DOCK3: variants seen among roughly 807,000 people sequenced by gnomAD.
DOCK3 encodes dedicator of cytokinesis protein 3.
DOCK3 carries 60 observed loss-of-function variants against 265.6 expected under a neutral mutation model. The observed-to-expected ratio is 0.23, with a 90% CI of 0.18 to 0.28. The LOEUF (loss-of-function observed/expected upper bound fraction) is 0.28. Ranked by LOEUF, DOCK3 falls within the 10% of genes least tolerant of loss-of-function variation. The probability of loss-of-function intolerance (pLI) is 1.00; values close to 1 mark genes in which losing one functional copy is unlikely to be tolerated. For synonymous variants in DOCK3, 881 were observed against 938.0 expected (o/e 0.94, Z 1.11); for missense variants, 1,981 against 2,594.3 (o/e 0.76, Z 5.14).
chr3:50,899,120 T>C (rs1324109584), intron 4 of DOCK3, among the ~76,000 whole-genome samples: 1 of 152,160 alleles, frequency 6.6e-6, no homozygotes, highest in Non-Finnish European at 1.5e-5. Context: ...CTAAGTCTCT[T>C]TGTAGGTCTC....
intron 1 of DOCK3, among the ~76,000 whole-genome samples, chr3:50,696,595 G>C (rs2035633268): frequency 6.6e-6 from 1 of 152,132 alleles, no homozygotes; most frequent in African/African-American, 2.4e-5. Context: ...GGACAGTAAG[G>C]CATGAAAGAT....
chr3:50,731,863 A>AATG (rs1559563886), intron 1 of DOCK3, among the ~76,000 whole-genome samples: 1 of 152,202 alleles, frequency 6.6e-6, no homozygotes, highest in Non-Finnish European at 1.5e-5. Context: ...GATCTTAGTT[A>AATG]ATGCCAATAA....
In DOCK3 at chr3:51,202,470, A is replaced by G. The variant is rs2088853015; in HGVS notation, c.1038-6304A>G. Among the ~76,000 whole-genome samples, 3 of 152,238 alleles carry G rather than the reference A, an allele frequency of 2.0e-5. No homozygotes were observed. The South Asian group carries it at 6.2e-4, about 32-fold the overall frequency. ...ACACCCTCCCAAGACTAAACCAGGA[A>G]GAAGTTGAATCTCTGAATAGACCAA... On this transcript the variant is annotated intron_variant, in intron 12 of 52. Coordinates refer to ENST00000266037, the MANE Select transcript of DOCK3 (RefSeq NM_004947.5).
intron 4 of DOCK3, among the ~76,000 whole-genome samples, chr3:50,921,515 A>C (rs573333089): frequency 6.6e-6 from 1 of 152,248 alleles, no homozygotes; most frequent in African/African-American, 2.4e-5. Flanking sequence ...AGCTCGAAGA[A>C]GTTTGTTATT....
chr3:50,888,091 G>A (rs961634356), intron 3 of DOCK3, among the ~76,000 whole-genome samples: 1 of 152,114 alleles, frequency 6.6e-6, no homozygotes, highest in Non-Finnish European at 1.5e-5. Context: ...CAGATGACAT[G>A]ATTGTATATC....
At chr3:51,200,195 G>T (rs1301591073) in intron 12 of DOCK3, among the ~76,000 whole-genome samples, 2 of 152,078 alleles carry the variant, frequency 1.3e-5, no homozygotes, top group African/African-American at 4.8e-5. Flanking sequence ...GAATGACTTT[G>T]ACGAGTTGAG....
chr3:51,229,751 T>C, intron 19 of DOCK3, 142 bp downstream of exon 19: 1 of 526,516 alleles, frequency 1.9e-6, no homozygotes, highest in Non-Finnish European at 3.2e-6. Context: ...TTAGCTTCCT[T>C]TTCCTCTTTT....
At chr3:51,362,456 G>A (rs938855232) in intron 48 of DOCK3, 71 bp from the exon 49 acceptor site, 12 of 1,600,026 alleles carry the variant, frequency 7.5e-6, no homozygotes, top group Admixed American at 5.0e-5. Context: ...GCATGAAAAA[G>A]CAAACTCTGT....
chr3:50,966,796 G>T (rs1177623950), intron 5 of DOCK3, among the ~76,000 whole-genome samples: 1 of 152,014 alleles, frequency 6.6e-6, no homozygotes, highest in Admixed American at 6.6e-5. Flanking sequence ...TGGGAGTAGG[G>T]GATGACCAAC....
chr3:50,762,037 A>G (rs1362540891), intron 1 of DOCK3, among the ~76,000 whole-genome samples: 1 of 152,120 alleles, frequency 6.6e-6, no homozygotes, highest in Non-Finnish European at 1.5e-5. Flanking sequence ...GTTCTCACTC[A>G]TAGGTGGGAA....
At chr3:50,979,144 T>TCCC (rs2108536612) in intron 5 of DOCK3, among the ~76,000 whole-genome samples, 1 of 152,242 alleles carries the variant, frequency 6.6e-6, no homozygotes, top group South Asian at 2.1e-4. Context: ...CCGGAGCTGT[T>TCCC]CCTATTCGGC....
intron 4 of DOCK3, among the ~76,000 whole-genome samples, chr3:50,894,236 T>C (rs1028868990): frequency 6.6e-6 from 1 of 152,020 alleles, no homozygotes; most frequent in Non-Finnish European, 1.5e-5. Context: ...ACTTGTCTTA[T>C]ATAAGAGAGC....
intron 51 of DOCK3, among the ~76,000 whole-genome samples, chr3:51,379,243 C>T (rs1553617641): frequency 6.6e-6 from 1 of 152,240 alleles, no homozygotes; most frequent in Non-Finnish European, 1.5e-5. Flanking sequence ...CTCTGTTGCC[C>T]TCCTCTTAAG....
chr3:51,129,294 C>T (rs183799588), intron 9 of DOCK3, among the ~76,000 whole-genome samples: 44 of 152,312 alleles, frequency 2.9e-4, no homozygotes, highest in African/African-American at 9.4e-4. Flanking sequence ...TGTCCACTTT[C>T]GGGTGGTGCC....
At chr3:51,161,528 T>C (rs1466935673) in intron 12 of DOCK3, among the ~76,000 whole-genome samples, 2 of 152,210 alleles carry the variant, frequency 1.3e-5, no homozygotes, top group Non-Finnish European at 2.9e-5. Flanking sequence ...CAGGCAGCAT[T>C]ATTTTTAATA....
chr3:50,860,100 A>T (rs564680962), intron 3 of DOCK3, among the ~76,000 whole-genome samples: 8 of 152,204 alleles, frequency 5.3e-5, no homozygotes, highest in Admixed American at 4.6e-4. Flanking sequence ...TCAGTCCATG[A>T]TGGAGGGTTT....
chr3:50,847,579 G>A (rs2046142021), intron 3 of DOCK3, among the ~76,000 whole-genome samples: 1 of 152,042 alleles, frequency 6.6e-6, no homozygotes, highest in Admixed American at 6.6e-5. Flanking sequence ...TGCTGTCAGT[G>A]GGATATTGAA....
intron 4 of DOCK3, among the ~76,000 whole-genome samples, chr3:50,923,261 T>C (rs1394936260): frequency 6.6e-6 from 1 of 152,224 alleles, no homozygotes. Flanking sequence ...GTATAATGAC[T>C]TCTTTTCCTC....
At chr3:51,322,664 G>A (rs1365581525) in intron 32 of DOCK3, among the ~76,000 whole-genome samples, 1 of 152,112 alleles carries the variant, frequency 6.6e-6, no homozygotes, top group Non-Finnish European at 1.5e-5. Context: ...ACTAAATATG[G>A]AAAGGAGTAA....
Sources: allele counts gnomAD v4.1 joint callset (sites outside exome capture counted in the v4.1 genomes callset), GRCh38; gene constraint gnomAD v4.1.1; transcripts MANE v1.5; gene names NCBI Gene and HGNC (gene_info 2026-07-23, HGNC 2026-07-21).